The following RBFOX1 variants were observed in gnomAD, a reference collection of about 807,000 sequenced individuals.
RBFOX1 encodes the protein RNA binding protein fox-1 homolog 1.
A neutral mutation model predicts 57.7 loss-of-function variants in RBFOX1; 8 were observed. The ratio of observed to expected loss-of-function variants is 0.14; its 90% CI spans 0.08 to 0.25. The LOEUF (loss-of-function observed/expected upper bound fraction) is 0.25. RBFOX1 is among the 10% of genes least tolerant of loss of function. The probability of loss-of-function intolerance (pLI) is 1.00; values close to 1 mark genes in which losing one functional copy is unlikely to be tolerated. For synonymous variants in RBFOX1, 326 were observed against 222.4 expected, an observed-to-expected ratio of 1.47 and a Z score of -4.15; for missense variants, 611 against 548.5, an observed-to-expected ratio of 1.11 and a Z score of -1.14.
At chr16:5,893,905 A>G (rs74004686) in intron 4 of RBFOX1, among the ~76,000 whole-genome samples, 12,649 of 152,234 alleles carry the variant, frequency 0.083, 719 homozygotes, top group African/African-American at 0.16. Flanking sequence ...TGCTTAGAAC[A>G]ATTAAAAAAA....
intron 2 of RBFOX1, among the ~76,000 whole-genome samples, chr16:5,566,662 G>A (rs1225449859): frequency 1.9e-5 from 2 of 106,098 alleles, no homozygotes; most frequent in African/African-American, 8.3e-5. Context: ...GTGTATATAT[G>A]TATATGTGTG....
At chr16:7,037,228 CTTTTTT>C (rs889539532) in intron 3 of RBFOX1, among the ~76,000 whole-genome samples, 2 of 80,524 alleles carry the variant, frequency 2.5e-5, no homozygotes, top group African/African-American at 6.8e-5. Context: ...GTCTTAGCCT[CTTTTTT>C]TTTTTTTTTT....
intron 1 of RBFOX1, among the ~76,000 whole-genome samples, chr16:5,392,170 A>T (rs2066429526): frequency 6.6e-6 from 1 of 152,078 alleles, no homozygotes. Flanking sequence ...AAGACTACAA[A>T]TTGGGTTCAT....
intron 4 of RBFOX1, among the ~76,000 whole-genome samples, chr16:7,331,443 C>T (rs144635052): frequency 1.3e-5 from 2 of 152,260 alleles, no homozygotes; most frequent in East Asian, 3.9e-4. Flanking sequence ...AATTGTGGAA[C>T]TACACACACC....
At chr16:6,626,090 C>G (rs761007577) in intron 2 of RBFOX1, among the ~76,000 whole-genome samples, 1 of 151,160 alleles carries the variant, frequency 6.6e-6, no homozygotes, top group Non-Finnish European at 1.5e-5. Flanking sequence ...CACCAATATG[C>G]GTCTCTTAGT....
chr16:5,242,298 G>A (rs888415708), intron 1 of RBFOX1, among the ~76,000 whole-genome samples: 2 of 152,212 alleles, frequency 1.3e-5, no homozygotes, highest in Non-Finnish European at 2.9e-5. Context: ...GAAGGATGAT[G>A]CAGGAACTGA....
intron 5 of RBFOX1, among the ~76,000 whole-genome samples, chr16:7,520,832 C>A (rs1398790457): frequency 6.6e-6 from 1 of 152,136 alleles, no homozygotes; most frequent in East Asian, 1.9e-4. Context: ...GAAAAAAGAT[C>A]CAATCAGACA....
chr16:6,103,841 A>T (rs1201769445), intron 1 of RBFOX1, among the ~76,000 whole-genome samples: 1 of 152,134 alleles, frequency 6.6e-6, no homozygotes, highest in Non-Finnish European at 1.5e-5. Flanking sequence ...AGGATTGGTG[A>T]GGTCCACCCG....
intron 4 of RBFOX1, among the ~76,000 whole-genome samples, chr16:7,071,804 T>G (rs984204865): frequency 6.6e-6 from 1 of 152,096 alleles, no homozygotes; most frequent in Non-Finnish European, 1.5e-5. Flanking sequence ...TCATCATCTG[T>G]GTCTTCTACA....
At chr16:6,117,204 A>G (rs888919698) in intron 1 of RBFOX1, among the ~76,000 whole-genome samples, 1 of 152,184 alleles carries the variant, frequency 6.6e-6, no homozygotes, top group Non-Finnish European at 1.5e-5. Context: ...TTCAGGGGGT[A>G]AAGAATTAAA....
intron 3 of RBFOX1, among the ~76,000 whole-genome samples, chr16:6,919,769 C>CTTTTTT (rs57240620): frequency 1.5e-4 from 18 of 123,452 alleles, no homozygotes; most frequent in African/African-American, 3.3e-4. Flanking sequence ...TAAGATCATT[C>CTTTTTT]TTTTTTTTTT....
In RBFOX1 at chr16:7,506,212, AAAAAAT is replaced by A. The variant is rs1221283917; in HGVS notation, c.28-11934_28-11929del. ...AAAAAAAAAAAAAAAAAAAAAAAAAAAAAAATTTCTGTAAGCTGGCATAGTTACCAG... is the reference window on the plus strand; with the variant it reads ...AAAAAAAAAAAAAAAAAAAAAAAAAATTCTGTAAGCTGGCATAGTTACCAG... On this transcript the variant is annotated intron_variant, in intron 4 of 15. Coordinates refer to ENST00000550418, the MANE Select transcript of RBFOX1 (RefSeq NM_018723.4). 2.0e-3 allele frequency among the ~76,000 whole-genome samples: 295 copies of A among 148,310 alleles called. 2 individuals are homozygous for A. Among genetic ancestry groups the A allele is most frequent in the African/African-American group, 7.4e-3 (287 of 38,672 alleles).
intron 1 of RBFOX1, among the ~76,000 whole-genome samples, chr16:6,282,683 A>T (rs1387383784): frequency 6.6e-6 from 1 of 152,086 alleles, no homozygotes; most frequent in Non-Finnish European, 1.5e-5. Context: ...GATGGTTTCC[A>T]GCTTCATCCA....
At chr16:6,410,619 G>T (rs1034912362) in intron 2 of RBFOX1, among the ~76,000 whole-genome samples, 1 of 151,956 alleles carries the variant, frequency 6.6e-6, no homozygotes, top group Non-Finnish European at 1.5e-5. Flanking sequence ...TCTATTTGAG[G>T]CCCTGCGCTA....
intron 3 of RBFOX1, among the ~76,000 whole-genome samples, chr16:7,030,510 C>T (rs186219713): frequency 2.6e-5 from 4 of 152,238 alleles, no homozygotes; most frequent in African/African-American, 4.8e-5. Context: ...TGGCTCCAGG[C>T]GTTCCTTGGT....
At chr16:6,704,618 G>C (rs948442888) in intron 3 of RBFOX1, 1 of 152,556 alleles carries the variant, frequency 6.6e-6, no homozygotes, top group Non-Finnish European at 1.5e-5. Flanking sequence ...CAAGAGGGGT[G>C]GGGGAAGACT....
chr16:7,534,332 A>G (rs1199848971), intron 5 of RBFOX1, among the ~76,000 whole-genome samples: 2 of 151,698 alleles, frequency 1.3e-5, no homozygotes, highest in African/African-American at 2.4e-5. Context: ...GCCTCAGGTG[A>G]TCCGCCCGTC....
chr16:7,348,577 A>G (rs908410087), intron 4 of RBFOX1, among the ~76,000 whole-genome samples: 1 of 152,226 alleles, frequency 6.6e-6, no homozygotes, highest in Non-Finnish European at 1.5e-5. Context: ...AAATGACATT[A>G]CTTTAGTCAG....
chr16:6,306,655 T>G (rs1461482797), intron 1 of RBFOX1, among the ~76,000 whole-genome samples: 1 of 152,150 alleles, frequency 6.6e-6, no homozygotes, highest in Non-Finnish European at 1.5e-5. Context: ...CCGTTTCTAC[T>G]TAGATGGGAA....
Sources: allele counts gnomAD v4.1 joint callset (sites outside exome capture counted in the v4.1 genomes callset), GRCh38; gene constraint gnomAD v4.1.1; transcripts MANE v1.5; gene names NCBI Gene and HGNC (gene_info 2026-07-23, HGNC 2026-07-21).